The following ZC3H12C variants were observed in gnomAD, a reference collection of about 807,000 sequenced individuals.
The protein encoded by ZC3H12C is zinc finger CCCH-type containing 12C, also known as probable ribonuclease ZC3H12C.
ZC3H12C carries 20 observed loss-of-function variants against 76.3 expected under a neutral mutation model. That is an observed-to-expected ratio of 0.26 (90% CI 0.18 to 0.38). ZC3H12C has a LOEUF of 0.38. ZC3H12C is among the 10% of genes least tolerant of loss of function. ZC3H12C has a pLI of 1.00. For missense variants in ZC3H12C, 874 were observed against 1,086.5 expected (o/e 0.80, Z 2.75); for synonymous variants, 352 against 399.6 (o/e 0.88, Z 1.42).
In ZC3H12C at chr11:110,164,843, C is replaced by T. The variant is rs779682609; in HGVS notation, c.1758C>T (p.Asp586=). Residue 586 remains aspartate, a synonymous_variant, in exon 6 of 6, where the codon GAC becomes GAT. Coordinates refer to ENST00000278590, the MANE Select transcript of ZC3H12C (RefSeq NM_033390.2). The surrounding 1 kb of genome is among the most constrained non-coding windows in gnomAD (Gnocchi z 5.7). ...EQYPKCDSPV[D]IGYYSMLNAY... ...ATCCAAAATGTGACTCACCTGTCGA[C>T]ATCGGATATTATTCCATGTTGAATG... 7.4e-6 allele frequency: 12 copies of T among 1,613,924 alleles called. No homozygotes were observed. The highest frequency in any genetic ancestry group is 1.6e-4 in the Middle Eastern group (1 of 6,084).
In ZC3H12C at chr11:110,136,957, A is replaced by T. The variant is rs1861974400; in HGVS notation, c.316A>T (p.Ile106Phe). ...SDHESEQLGS[I>F]SVEPGLITKT... ...TCATGAGTCAGAACAATTGGGTAGC[A>T]TTTCAGTAGAGCCAGGCTTGATAAC... The change falls in exon 2 of 6, where the codon ATT becomes TTT. Residue 106 changes from isoleucine (I) to phenylalanine (F), a missense_variant. Physicochemically the swap from Ile to Phe is conservative, Grantham distance 21. This residue lies in a region of ZC3H12C where 210 missense variants were observed against 227.1 expected (regional missense o/e 0.92). Transcript: ENST00000278590. 6.2e-7 allele frequency: 1 copy of T among 1,613,766 alleles called. No individual in the cohort carries two copies. The highest frequency in any genetic ancestry group is 8.5e-7 in the Non-Finnish European group (1 of 1,179,820).
At position 110,165,576 on chromosome 11, in the gene ZC3H12C, C is replaced by A. The variant is rs773205643; in HGVS notation, c.2491C>A (p.Pro831Thr). 2.5e-6 allele frequency: 4 copies of A among 1,612,036 alleles called. No individual in the cohort carries two copies. Among genetic ancestry groups the A allele is most frequent in the Non-Finnish European group, 2.5e-6 (3 of 1,179,020 alleles). The change falls in exon 6 of 6, where the codon CCC becomes ACC. Residue 831 changes from proline to threonine, a missense_variant. Around this residue, in one of 3 missense-constraint regions of ZC3H12C, gnomAD observed 395 missense variants for 434.4 expected, o/e 0.91. Coordinates refer to ENST00000278590, the MANE Select transcript of ZC3H12C (RefSeq NM_033390.2). Reference sequence around the variant, plus strand: ...CCCATACTGTGGAATGCCGCAAGATCCCCCGAGGTATCAAGACAACCGAGA... The same window carrying A: ...CCCATACTGTGGAATGCCGCAAGATACCCCGAGGTATCAAGACAACCGAGA... The part of the protein sequence containing the change: ...RIPYCGMPQD[P>T]PRYQDNREKI...
At chr11:110,160,270 C>A (rs1050801899) in intron 4 of ZC3H12C, among the ~76,000 whole-genome samples, 1 of 152,176 alleles carries the variant, frequency 6.6e-6, no homozygotes, top group Non-Finnish European at 1.5e-5. Context: ...TTACTATAAA[C>A]CACTATAGAC....
At chr11:110,161,015 T>TC (rs956889903) in intron 4 of ZC3H12C, among the ~76,000 whole-genome samples, 2 of 151,484 alleles carry the variant, frequency 1.3e-5, no homozygotes, top group Non-Finnish European at 2.9e-5. Context: ...TTTTGTGTTT[T>TC]TTTTTTTTAG....
chr11:110,101,333 A>G (rs1861210501), intron 1 of ZC3H12C, among the ~76,000 whole-genome samples: 1 of 152,230 alleles, frequency 6.6e-6, no homozygotes, highest in African/African-American at 2.4e-5. Flanking sequence ...GAAGGTGACT[A>G]CACTAAACAG....
At chr11:110,133,218 A>G (rs886332991) in intron 1 of ZC3H12C, among the ~76,000 whole-genome samples, 2 of 152,174 alleles carry the variant, frequency 1.3e-5, no homozygotes, top group African/African-American at 4.8e-5. Flanking sequence ...CTAGAGATCA[A>G]AGTTTTAAAA....
At chr11:110,103,425 A>C (rs960310925) in intron 1 of ZC3H12C, among the ~76,000 whole-genome samples, 30 of 152,194 alleles carry the variant, frequency 2.0e-4, no homozygotes, top group African/African-American at 7.0e-4. Context: ...CTTATTATGA[A>C]AGATAATAGT....
chr11:110,097,899 G>A (rs528064572), intron 1 of ZC3H12C, among the ~76,000 whole-genome samples: 1 of 152,186 alleles, frequency 6.6e-6, no homozygotes, highest in Non-Finnish European at 1.5e-5. Context: ...GGTGGTGCTG[G>A]TGTAAACAAA....
chr11:110,165,629 C>T lies in ZC3H12C; in HGVS notation c.2544C>T (p.Ile848=), dbSNP rs750570608. 1.4e-5 allele frequency: 22 copies of T among 1,599,952 alleles called. No individual in the cohort carries two copies. The highest frequency in any genetic ancestry group is 1.8e-5 in the Non-Finnish European group (21 of 1,172,954). Reference sequence around the variant, plus strand: ...AGATTTATATCAATTTGTGCAACATCTTCCCCCCTGACCTTGTGAGAATTG... The same window carrying T: ...AGATTTATATCAATTTGTGCAACATTTTCCCCCCTGACCTTGTGAGAATTG... ...REKIYINLCN[I]FPPDLVRIVM... Residue 848 remains isoleucine (I), a synonymous_variant, in exon 6 of 6, where the codon ATC becomes ATT. Coordinates refer to ENST00000278590, the MANE Select transcript of ZC3H12C (RefSeq NM_033390.2).
intron 2 of ZC3H12C, among the ~76,000 whole-genome samples, chr11:110,140,941 CAAAG>C (rs952131660): frequency 1.3e-5 from 2 of 152,078 alleles, no homozygotes; most frequent in African/African-American, 4.8e-5. Context: ...AGATTGGAGA[CAAAG>C]AGACCCACTT....
At chr11:110,162,049 G>C (rs938421567) in intron 4 of ZC3H12C, among the ~76,000 whole-genome samples, 4 of 152,166 alleles carry the variant, frequency 2.6e-5, no homozygotes, top group African/African-American at 9.7e-5. Context: ...CAGGAGAATT[G>C]TTTGAACCCC....
Position 110,164,684 on chromosome 11 carries a change from A to T in ZC3H12C, c.1599A>T (p.Gln533His), listed in dbSNP as rs768905911. ...CAGCTACTTCTACTGCAAAACCCCA[A>T]AGCACTACATCTTTAAGCAATGGCC... Reference protein sequence around the residue: ...SIPATSTAKPQSTTSLSNGLP... With the variant: ...SIPATSTAKPHSTTSLSNGLP... The change falls in exon 6 of 6, where the codon CAA becomes CAT. Residue 533 changes from glutamine (Q) to histidine (H), a missense_variant. By Grantham distance (24) the Gln-to-His change is conservative. Coordinates refer to ENST00000278590, the MANE Select transcript of ZC3H12C (RefSeq NM_033390.2). The surrounding 1 kb of genome is among the most constrained non-coding windows in gnomAD (Gnocchi z 5.7). 6.2e-7 allele frequency: 1 copy of T among 1,613,944 alleles called. No homozygotes were observed. Among genetic ancestry groups the T allele is most frequent in the South Asian group, 1.1e-5 (1 of 91,070 alleles).
intron 2 of ZC3H12C, among the ~76,000 whole-genome samples, chr11:110,147,162 A>G (rs1862186480): frequency 6.6e-6 from 1 of 152,182 alleles, no homozygotes; most frequent in Admixed American, 6.5e-5. Context: ...GAGCAACTCC[A>G]TGCAGCAGCC....
chr11:110,099,606 T>C lies in ZC3H12C; in HGVS notation c.21+6174T>C, dbSNP rs534404550. 3.3e-5 allele frequency among the ~76,000 whole-genome samples: 5 copies of C among 152,310 alleles called. No homozygotes were observed. The South Asian group carries it at 1.0e-3, about 32-fold the overall frequency. On this transcript the variant is annotated intron_variant, in intron 1 of 5. Transcript: ENST00000278590. ...ATTATTTTTTTTATTCCTGTAGTTA[T>C]ACTTTACAGAATTTGTACATGAATT... is the stretch of plus-strand genomic sequence containing the variant.
chr11:110,103,701 G>A (rs1300541868), intron 1 of ZC3H12C, among the ~76,000 whole-genome samples: 2 of 151,892 alleles, frequency 1.3e-5, no homozygotes, highest in South Asian at 4.2e-4. Context: ...CGCCTCTCGG[G>A]TTCATGCCAC....
At chr11:110,158,072 A>G (rs1450048723) in intron 3 of ZC3H12C, among the ~76,000 whole-genome samples, 1 of 152,210 alleles carries the variant, frequency 6.6e-6, no homozygotes, top group Non-Finnish European at 1.5e-5. Context: ...CAGAACTTAC[A>G]ATGGTGGGAA....
rs769349031 is a variant in ZC3H12C at position 110,159,239 on chromosome 11, C to T, written c.914-17C>T. On this transcript the variant is annotated splice_polypyrimidine_tract_variant and intron_variant, in intron 3 of 5. Transcript: ENST00000278590. ...ATGTATTTACTTTCTGCCATCCTACCGTCATTATTCTTGCAGATCAGGAAA... is the reference window on the plus strand; with the variant it reads ...ATGTATTTACTTTCTGCCATCCTACTGTCATTATTCTTGCAGATCAGGAAA... 2.2e-5 allele frequency: 35 copies of T among 1,582,794 alleles called. No individual in the cohort carries two copies. Among genetic ancestry groups the T allele is most frequent in the Non-Finnish European group, 2.7e-5 (31 of 1,160,736 alleles).
At chr11:110,160,262 A>C (rs1482299875) in intron 4 of ZC3H12C, among the ~76,000 whole-genome samples, 2 of 152,248 alleles carry the variant, frequency 1.3e-5, no homozygotes, top group African/African-American at 4.8e-5. Flanking sequence ...CTAGGACATT[A>C]CTATAAACCA....
intron 1 of ZC3H12C, among the ~76,000 whole-genome samples, chr11:110,097,230 G>A (rs1405836344): frequency 1.3e-5 from 2 of 152,186 alleles, no homozygotes; most frequent in Non-Finnish European, 2.9e-5. Context: ...AATGTACACG[G>A]TTTTACATTA....
Sources: allele counts gnomAD v4.1 joint callset (sites outside exome capture counted in the v4.1 genomes callset), GRCh38; gene constraint gnomAD v4.1.1; regional missense constraint gnomAD v4.1.1; non-coding constraint Gnocchi (gnomAD v3.1); transcripts MANE v1.5; gene names NCBI Gene and HGNC (gene_info 2026-07-23, HGNC 2026-07-21).